Variants in SLC39A14 observed in about 807,000 individuals in gnomAD.
SLC39A14 encodes the protein metal cation symporter ZIP14.
In SLC39A14, 19 loss-of-function variants were observed where a neutral mutation model predicts 45.5. The observed-to-expected ratio is 0.42, with a 90% CI of 0.29 to 0.61. SLC39A14 has a LOEUF of 0.61. SLC39A14 is among the 20% of genes least tolerant of loss of function. The probability of loss-of-function intolerance (pLI) is 0.22; values close to 1 mark genes in which losing one functional copy is unlikely to be tolerated. For missense variants in SLC39A14, 447 were observed against 616.5 expected, an observed-to-expected ratio of 0.73 and a Z score of 2.91; for synonymous variants, 264 against 251.3, an observed-to-expected ratio of 1.05 and a Z score of -0.48.
At chr8:22,396,311 G>A (rs12375405) in intron 1 of SLC39A14, among the ~76,000 whole-genome samples, 20,030 of 148,222 alleles carry the variant, frequency 0.14, 1,356 homozygotes, top group East Asian at 0.19. Context: ...AGGTTACGGT[G>A]AGCCGAGATC....
chr8:22,428,926 A>T (rs919667787), intron 8 of SLC39A14, among the ~76,000 whole-genome samples: 22 of 152,280 alleles, frequency 1.4e-4, no homozygotes, highest in African/African-American at 5.3e-4. Context: ...GAAGGTAAGA[A>T]CCAATGCAAA....
intron 1 of SLC39A14, among the ~76,000 whole-genome samples, chr8:22,369,413 G>C (rs1832813899): frequency 6.6e-6 from 1 of 152,204 alleles, no homozygotes; most frequent in South Asian, 2.1e-4. Flanking sequence ...TTTTAGGCCA[G>C]AGTAAGAATT....
rs766813121 is a variant in SLC39A14, at chr8:22,421,304, C to T, written c.*1606C>T. 7 of 985,864 alleles carry T rather than the reference C, an allele frequency of 7.1e-6. No individual in the cohort carries two copies. The highest frequency in any genetic ancestry group is 8.4e-6 in the Non-Finnish European group (7 of 829,930). 61.1% of individuals were successfully genotyped at this position (985,864 alleles called of 1,614,324 possible). A position where few individuals can be genotyped will look rare whatever the true frequency, so the allele number is the denominator to read the frequency against. The stretch of plus-strand genomic sequence containing the variant: ...TCACAAGCAGCATCCGTTTTGTTTT[C>T]TCTTCTTGGGAGACATCTGTCAAAC... On this transcript the variant is annotated 3_prime_UTR_variant, in exon 9 of 9. Coordinates refer to ENST00000381237, the MANE Select transcript of SLC39A14 (RefSeq NM_001128431.4).
At chr8:22,391,850 G>T (rs1449705228) in intron 1 of SLC39A14, among the ~76,000 whole-genome samples, 1 of 152,198 alleles carries the variant, frequency 6.6e-6, no homozygotes, top group Non-Finnish European at 1.5e-5. Flanking sequence ...TTACGGGCAT[G>T]AGCCACCGCT....
intron 4 of SLC39A14, among the ~76,000 whole-genome samples, chr8:22,412,854 C>T (rs1426906739): frequency 1.3e-5 from 2 of 152,148 alleles, no homozygotes; most frequent in East Asian, 1.9e-4. Context: ...ACAAGAATCA[C>T]TTGAACCCAG....
intron 8 of SLC39A14, among the ~76,000 whole-genome samples, chr8:22,432,836 T>G (rs1358151377): frequency 2.3e-5 from 3 of 130,628 alleles, no homozygotes; most frequent in African/African-American, 3.5e-5. Context: ...TTTTTTTTTG[T>G]AGAGATGGGT....
chr8:22,380,667 C>T (rs1833454685), intron 1 of SLC39A14, among the ~76,000 whole-genome samples: 1 of 142,918 alleles, frequency 7.0e-6, no homozygotes, highest in African/African-American at 2.6e-5. Context: ...TAAGCCTTTC[C>T]ATTCCTGTTT....
At chr8:22,382,295 A>G (rs1206499951) in intron 1 of SLC39A14, among the ~76,000 whole-genome samples, 1 of 152,244 alleles carries the variant, frequency 6.6e-6, no homozygotes. Context: ...ATCAAATTAT[A>G]AAGACGGAAT....
At chr8:22,428,125 C>T (rs962930733) in intron 8 of SLC39A14, among the ~76,000 whole-genome samples, 2 of 151,972 alleles carry the variant, frequency 1.3e-5, no homozygotes, top group Non-Finnish European at 2.9e-5. Context: ...ATGGGGAAAC[C>T]CCTGTCTACG....
intron 1 of SLC39A14, among the ~76,000 whole-genome samples, chr8:22,379,125 G>T (rs778279841): frequency 6.6e-6 from 1 of 152,140 alleles, no homozygotes; most frequent in Non-Finnish European, 1.5e-5. Flanking sequence ...CTGTCTTCAC[G>T]TGGCCTTCCC....
chr8:22,399,457 C>G (rs895121018), intron 1 of SLC39A14, among the ~76,000 whole-genome samples: 4 of 152,254 alleles, frequency 2.6e-5, no homozygotes. Flanking sequence ...TCCTCCCCAA[C>G]CCTTGCGGGT....
intron 5 of SLC39A14, chr8:22,415,554 C>T (rs1013109125): frequency 8.2e-6 from 4 of 489,508 alleles, no homozygotes; most frequent in Non-Finnish European, 1.1e-5. Flanking sequence ...CCTCGGCCTC[C>T]CACAGTGCTG....
At chr8:22,404,458 G>GTTTTTT (rs375772752) in intron 1 of SLC39A14, 18 of 280,590 alleles carry the variant, frequency 6.4e-5, no homozygotes, top group African/African-American at 4.1e-4. Flanking sequence ...CCGCATTGCT[G>GTTTTTT]TTTGTTTTTT....
intron 8 of SLC39A14, 54 bp downstream of exon 8, chr8:22,417,889 G>T: frequency 6.8e-7 from 1 of 1,461,652 alleles, no homozygotes; most frequent in South Asian, 1.3e-5. Flanking sequence ...ATGGATGTTA[G>T]GTAGGTAGTT....
rs1187575431 is a variant in SLC39A14, at chr8:22,419,988, CTGAT to C, written c.*292_*295del. 2 of 1,115,942 alleles carry C rather than the reference CTGAT, an allele frequency of 1.8e-6. No homozygotes were observed. The highest frequency in any genetic ancestry group is 2.2e-6 in the Non-Finnish European group (2 of 912,792). The allele number at this position is 1,115,942 out of a possible 1,614,324, so 69.1% of individuals were successfully genotyped here. A position where few individuals can be genotyped will look rare whatever the true frequency, so the allele number is the denominator to read the frequency against. On this transcript the variant is annotated 3_prime_UTR_variant, in exon 9 of 9. Transcript: ENST00000381237. ...TACAAGACAAGCCTGACTTTTTTCT[CTGAT>C]TACCTTGGCCTCCTCTTGGAACCAG...
At chr8:22,406,385 G>C (rs944850328) in intron 2 of SLC39A14, among the ~76,000 whole-genome samples, 1 of 142,838 alleles carries the variant, frequency 7.0e-6, no homozygotes, top group South Asian at 2.2e-4. Flanking sequence ...GGAGGTGGAG[G>C]CCTCAAAAGT....
chr8:22,422,981 G>T (rs1373086645), downstream of SLC39A14, among the ~76,000 whole-genome samples: 1 of 151,696 alleles, frequency 6.6e-6, no homozygotes, highest in Non-Finnish European at 1.5e-5. Flanking sequence ...CCGCCACCAC[G>T]CCTGGCTAAA....
At chr8:22,408,602 A>T in intron 3 of SLC39A14, 106 bp downstream of exon 3, 1 of 1,039,342 alleles carries the variant, frequency 9.6e-7, no homozygotes, top group Non-Finnish European at 1.4e-6. Flanking sequence ...CTCACCAGTG[A>T]TGACCAGGAT....
intron 8 of SLC39A14, among the ~76,000 whole-genome samples, chr8:22,429,624 G>A (rs1341335054): frequency 6.6e-6 from 1 of 152,194 alleles, no homozygotes; most frequent in Non-Finnish European, 1.5e-5. Context: ...ATTGGGAGCA[G>A]CATGGGGATG....
Sources: allele counts gnomAD v4.1 joint callset (sites outside exome capture counted in the v4.1 genomes callset), GRCh38; gene constraint gnomAD v4.1.1; transcripts MANE v1.5; gene names NCBI Gene and HGNC (gene_info 2026-07-23, HGNC 2026-07-21).